The following PCDHA2 variants were observed in gnomAD, a reference collection of about 807,000 sequenced individuals.
The protein encoded by PCDHA2 is protocadherin alpha 2.
A neutral mutation model predicts 66.0 loss-of-function variants in PCDHA2; 58 were observed. The observed-to-expected ratio is 0.88, with a 90% CI of 0.71 to 1.09. The LOEUF is 1.09. Among genes scored for constraint, PCDHA2 ranks in the 50% least tolerant of loss-of-function variants. The pLI, the probability that PCDHA2 is intolerant of heterozygous loss-of-function variation, is 0.00. For missense variants in PCDHA2, 1,267 were observed against 1,242.3 expected (o/e 1.02, Z -0.30); for synonymous variants, 634 against 554.0 (o/e 1.14, Z -2.03).
chr5:140,955,452 G>A (rs921510611), intron 1 of PCDHA2, among the ~76,000 whole-genome samples: 1 of 152,024 alleles, frequency 6.6e-6, no homozygotes, highest in African/African-American at 2.4e-5. Flanking sequence ...TTTTATAAGG[G>A]CTTTTTCCTT....
Position 140,857,105 on chromosome 5 carries a change from T to G in PCDHA2, c.2388+59753T>G. On this transcript the variant is annotated intron_variant, in intron 1 of 3. Transcript: ENST00000526136. The stretch of plus-strand genomic sequence containing the variant: ...TAATTCACCTGAGGTGATTGTCACT[T>G]CTCTGTCTCTCCCAGTGAAAGAAGA... The G allele has an allele frequency of 1.9e-6, 3 of 1,597,820 alleles. 1 individual carries two copies. Among genetic ancestry groups the G allele is most frequent in the Non-Finnish European group, 2.6e-6 (3 of 1,167,424 alleles).
intron 1 of PCDHA2, chr5:140,829,702 G>T (rs1295697160): frequency 6.2e-7 from 1 of 1,613,390 alleles, no homozygotes; most frequent in Admixed American, 1.7e-5. Flanking sequence ...AGGTGAGCGC[G>T]CGCGACGCGG....
chr5:140,976,378 C>A (rs908008970), intron 1 of PCDHA2, among the ~76,000 whole-genome samples: 2 of 151,926 alleles, frequency 1.3e-5, no homozygotes, highest in Non-Finnish European at 2.9e-5. Flanking sequence ...TGGTGAAACC[C>A]CATCTCTACT....
At position 140,829,788 on chromosome 5, in the gene PCDHA2, T is replaced by G. The variant is rs2150174701; in HGVS notation, c.2388+32436T>G. 2.5e-6 allele frequency: 4 copies of G among 1,613,684 alleles called. No individual in the cohort carries two copies. The African/African-American group carries it at 5.3e-5, about 22-fold the overall frequency. On this transcript the variant is annotated intron_variant, in intron 1 of 3. Coordinates refer to ENST00000526136, the MANE Select transcript of PCDHA2 (RefSeq NM_018905.3). Reference sequence around the variant, plus strand: ...GAGAACGACAACGCGCCGGCGCTGCTGGCGCCTCGGGTGGGTGGTACTGGT... The same window carrying G: ...GAGAACGACAACGCGCCGGCGCTGCGGGCGCCTCGGGTGGGTGGTACTGGT...
At chr5:140,920,923 G>C (rs1229531762) in intron 1 of PCDHA2, among the ~76,000 whole-genome samples, 5 of 151,200 alleles carry the variant, frequency 3.3e-5, no homozygotes, top group African/African-American at 1.2e-4. Flanking sequence ...TCCAAGAGTA[G>C]GTGATCTAGC....
chr5:140,812,904 C>A (rs995025356), intron 1 of PCDHA2: 1 of 152,164 alleles, frequency 6.6e-6, no homozygotes, highest in African/African-American at 2.4e-5. Context: ...AACAGAATTT[C>A]GTTCAAAATT....
Position 140,885,215 on chromosome 5 carries a change from A to T in PCDHA2, c.2388+87863A>T, listed in dbSNP as rs564445744. Among the ~76,000 whole-genome samples the T allele has an allele frequency of 2.8e-3, 423 of 152,102 alleles. 2 individuals carry two copies. The highest frequency in any genetic ancestry group is 0.014 in the Middle Eastern group (4 of 294). On this transcript the variant is annotated intron_variant, in intron 1 of 3. Transcript: ENST00000526136. ...CCCTCTCATATATCCCATGAAAAAT[A>T]TCTTGTGATTCTGCTTTCAATTTTT... is the stretch of plus-strand genomic sequence containing the variant.
intron 1 of PCDHA2, chr5:140,841,947 A>G (rs2150326341): frequency 2.5e-6 from 4 of 1,613,886 alleles, no homozygotes; most frequent in Admixed American, 3.3e-5. Context: ...CCTGCGCACC[A>G]CTTATTCCTG....
chr5:140,995,905 G>C (rs1346539389), intron 3 of PCDHA2, among the ~76,000 whole-genome samples: 1 of 152,186 alleles, frequency 6.6e-6, no homozygotes, highest in Non-Finnish European at 1.5e-5. Flanking sequence ...GTATAAAAGA[G>C]GAGAGACCAT....
Position 140,801,859 on chromosome 5 carries a change from A to T in PCDHA2, c.2388+4507A>T, listed in dbSNP as rs781796006. ...ACAGCAATTGATGGTGGGAAACCAG[A>T]GCTCACTGGCACGACTCAACTAAAG... On this transcript the variant is annotated intron_variant, in intron 1 of 3. Transcript: ENST00000526136. 4.3e-6 allele frequency: 7 copies of T among 1,614,142 alleles called. No homozygotes were observed. The South Asian group carries it at 6.6e-5, about 15-fold the overall frequency.
At chr5:140,852,630 T>C in intron 1 of PCDHA2, 1 of 954,540 alleles carries the variant, frequency 1.0e-6, no homozygotes, top group Non-Finnish European at 1.3e-6. Context: ...GTCTCTGAGC[T>C]CCTGTCATTA....
chr5:140,952,334 A>G (rs1585456390), intron 1 of PCDHA2, among the ~76,000 whole-genome samples: 1 of 103,312 alleles, frequency 9.7e-6, no homozygotes, highest in East Asian at 2.9e-4. Context: ...GTGAAACTCC[A>G]TCTCAAAAAA....
At chr5:140,982,607 G>T (rs868934947) in intron 3 of PCDHA2, 44 bp downstream of exon 3, 2 of 1,601,622 alleles carry the variant, frequency 1.2e-6, no homozygotes, top group South Asian at 1.1e-5. Flanking sequence ...TTTCTGGAAA[G>T]TGATCAGATG....
At chr5:140,853,330 G>A in intron 1 of PCDHA2, 1 of 984,768 alleles carries the variant, frequency 1.0e-6, no homozygotes, top group South Asian at 4.7e-5. Flanking sequence ...TTTATCTTTT[G>A]AGGTCATTAG....
chr5:141,005,691 A>G (rs1481537036), intron 3 of PCDHA2, among the ~76,000 whole-genome samples: 1 of 134,408 alleles, frequency 7.4e-6, no homozygotes, highest in Non-Finnish European at 1.6e-5. Flanking sequence ...GACAGAGCGA[A>G]ACTCCGTCTC....
At chr5:140,967,246 G>A in intron 1 of PCDHA2, 1 of 1,613,594 alleles carries the variant, frequency 6.2e-7, no homozygotes, top group Non-Finnish European at 8.5e-7. Context: ...TAAGCGAATC[G>A]GTGGCGCCTG....
At chr5:140,860,453 G>A (rs1444199849) in intron 1 of PCDHA2, 5 of 152,018 alleles carry the variant, frequency 3.3e-5, no homozygotes, top group African/African-American at 1.2e-4. Flanking sequence ...ATTAATTCAC[G>A]TGATAATACA....
In PCDHA2 at chr5:140,857,722, C is replaced by A. The variant is rs371525843; in HGVS notation, c.2388+60370C>A. The A allele has an allele frequency of 6.9e-6, 11 of 1,597,318 alleles. 1 individual carries two copies. Among genetic ancestry groups the A allele is most frequent in the Non-Finnish European group, 9.4e-6 (11 of 1,167,728 alleles). On this transcript the variant is annotated intron_variant, in intron 1 of 3. Coordinates refer to ENST00000526136, the MANE Select transcript of PCDHA2 (RefSeq NM_018905.3). ...TGCAGGTGTTCGTGCTGGACGAGAA[C>A]GACAACGCTCCCGCGCTGCTGGCGT... is the stretch of plus-strand genomic sequence containing the variant.
chr5:140,842,310 T>C (rs2150333905), intron 1 of PCDHA2: 2 of 1,608,760 alleles, frequency 1.2e-6, no homozygotes, highest in Admixed American at 1.7e-5. Flanking sequence ...CATCCTCCCA[T>C]GGCGGGTCAT....
Sources: gnomAD v4.1 joint callset for allele counts (sites outside exome capture counted in the v4.1 genomes callset) on GRCh38, gnomAD v4.1.1 for gene constraint, MANE v1.5 for transcripts, NCBI Gene and HGNC (gene_info 2026-07-23, HGNC 2026-07-21) for gene names.